XKR9: variants seen among roughly 807,000 people sequenced by gnomAD.
XKR9 encodes the protein XK related 9, also known as XK-related protein 9.
Under a neutral mutation model 32.0 loss-of-function variants are expected in XKR9, and 32 were observed. The observed-to-expected ratio is 1.00, with a 90% CI of 0.76 to 1.34. The LOEUF is 1.34. XKR9 is among the 40% of genes most tolerant of loss of function. XKR9 has a pLI of 0.00. For missense variants in XKR9, 546 were observed against 429.7 expected (o/e 1.27, Z -2.39); for synonymous variants, 168 against 143.4 (o/e 1.17, Z -1.22).
At chr8:70,706,758 T>C (rs1288251586) in intron 3 of XKR9, among the ~76,000 whole-genome samples, 175 bp from the exon 4 acceptor site, 1 of 152,070 alleles carries the variant, frequency 6.6e-6, no homozygotes, top group Non-Finnish European at 1.5e-5. Context: ...GTTTACAGGG[T>C]CTGAATCTCA....
At chr8:70,886,343 A>G in the XKR9 span, among the ~76,000 whole-genome samples, 4 of 152,230 alleles carry the variant, frequency 2.6e-5, no homozygotes, top group Non-Finnish European at 4.4e-5. Flanking sequence ...TCATGCTGCA[A>G]TAAACATACA....
intron 3 of XKR9, among the ~76,000 whole-genome samples, chr8:70,692,513 G>A (rs930222388): frequency 1.2e-4 from 18 of 152,194 alleles, no homozygotes; most frequent in African/African-American, 4.3e-4. Context: ...CAAGGGGAAT[G>A]CTTCCAGCTT....
At chr8:70,964,178 C>A in the XKR9 span, among the ~76,000 whole-genome samples, 4 of 152,142 alleles carry the variant, frequency 2.6e-5, no homozygotes, top group African/African-American at 4.8e-5. Context: ...TTTTGATTTT[C>A]TCCATATGGC....
chr8:70,836,720 G>T, the XKR9 span, among the ~76,000 whole-genome samples: 1 of 151,852 alleles, frequency 6.6e-6, no homozygotes, highest in East Asian at 1.9e-4. Context: ...AAATATCGAG[G>T]CATAGAATTG....
At chr8:70,920,995 G>T in the XKR9 span, among the ~76,000 whole-genome samples, 4 of 152,130 alleles carry the variant, frequency 2.6e-5, no homozygotes, top group Admixed American at 2.0e-4. Context: ...CAGATTGTGG[G>T]TTGCTGTGAG....
chr8:70,861,857 A>G, the XKR9 span, among the ~76,000 whole-genome samples: 483 of 152,182 alleles, frequency 3.2e-3, 1 homozygote, highest in African/African-American at 0.011. Context: ...TGTGGCTTAG[A>G]TGTTCTTTTC....
the XKR9 span, among the ~76,000 whole-genome samples, chr8:70,839,068 A>G: frequency 6.6e-6 from 1 of 152,108 alleles, no homozygotes; most frequent in Non-Finnish European, 1.5e-5. Context: ...ATTCTGAGAG[A>G]TGTTTCCTGA....
the XKR9 span, among the ~76,000 whole-genome samples, chr8:71,038,615 G>C: frequency 6.6e-6 from 1 of 151,558 alleles, no homozygotes; most frequent in Non-Finnish European, 1.5e-5. Flanking sequence ...ACCGCGCCTG[G>C]CCAACTGATT....
the XKR9 span, among the ~76,000 whole-genome samples, chr8:71,014,550 C>T: frequency 1.3e-5 from 2 of 152,146 alleles, no homozygotes; most frequent in African/African-American, 4.8e-5. Context: ...CTTATAAGAA[C>T]ACCTGCCATT....
the XKR9 span, among the ~76,000 whole-genome samples, chr8:70,955,100 A>C: frequency 6.6e-6 from 1 of 152,212 alleles, no homozygotes. Flanking sequence ...TTCTGTTTCA[A>C]TTCCAACTTC....
At chr8:70,805,500 C>G in the XKR9 span, among the ~76,000 whole-genome samples, 1 of 152,186 alleles carries the variant, frequency 6.6e-6, no homozygotes, top group Non-Finnish European at 1.5e-5. Flanking sequence ...CTGCCTAACA[C>G]GCTAAGCTCC....
At chr8:70,879,537 C>T in the XKR9 span, among the ~76,000 whole-genome samples, 3 of 152,110 alleles carry the variant, frequency 2.0e-5, no homozygotes, top group African/African-American at 7.2e-5. Flanking sequence ...CACCTTTATG[C>T]AAATAAACTA....
At chr8:71,018,926 A>T in the XKR9 span, among the ~76,000 whole-genome samples, 1 of 152,262 alleles carries the variant, frequency 6.6e-6, no homozygotes, top group South Asian at 2.1e-4. Context: ...ATAAAAACAC[A>T]ACATAAAATT....
At chr8:70,996,212 A>G in the XKR9 span, among the ~76,000 whole-genome samples, 1 of 152,238 alleles carries the variant, frequency 6.6e-6, no homozygotes, top group African/African-American at 2.4e-5. Context: ...TTAGTCAGGC[A>G]AATACAATTT....
chr8:71,036,067 T>G, the XKR9 span, among the ~76,000 whole-genome samples: 1 of 152,202 alleles, frequency 6.6e-6, no homozygotes, highest in African/African-American at 2.4e-5. Flanking sequence ...GCATAAAATA[T>G]TCAGATTTTC....
the XKR9 span, among the ~76,000 whole-genome samples, chr8:70,882,997 A>T: frequency 6.6e-6 from 1 of 151,634 alleles, no homozygotes; most frequent in Admixed American, 6.6e-5. Context: ...AAATTTCAGT[A>T]GTTTTTGGGG....
chr8:70,925,806 T>C, the XKR9 span, among the ~76,000 whole-genome samples: 1 of 152,052 alleles, frequency 6.6e-6, no homozygotes, highest in South Asian at 2.1e-4. Flanking sequence ...TGTTACTGGG[T>C]ATGTAGGAAA....
chr8:70,923,606 C>T, the XKR9 span, among the ~76,000 whole-genome samples: 7 of 152,202 alleles, frequency 4.6e-5, no homozygotes, highest in Non-Finnish European at 1.0e-4. Context: ...AAAAGTAAGA[C>T]GTTTCAACCA....
chr8:70,768,291 T>C (rs1230605692), intron 2 of XKR9, among the ~76,000 whole-genome samples: 1 of 152,182 alleles, frequency 6.6e-6, no homozygotes, highest in Non-Finnish European at 1.5e-5. Context: ...AGAGACTGTT[T>C]GTTATGATTT....
Sources: gnomAD v4.1 joint callset for allele counts (sites outside exome capture counted in the v4.1 genomes callset) on GRCh38, gnomAD v4.1.1 for gene constraint, MANE v1.5 for transcripts, NCBI Gene and HGNC (gene_info 2026-07-23, HGNC 2026-07-21) for gene names.